GRHL1: variants seen among roughly 807,000 people sequenced by gnomAD.
GRHL1 encodes grainyhead-like protein 1 homolog.
A neutral mutation model predicts 75.7 loss-of-function variants in GRHL1; 38 were observed. The observed-to-expected ratio is 0.50, with a 90% CI of 0.39 to 0.66. GRHL1 has a LOEUF of 0.66. Ranked by LOEUF, GRHL1 falls within the 30% of genes least tolerant of loss-of-function variation. The pLI is 0.00. For synonymous variants in GRHL1, 266 were observed against 279.4 expected (o/e 0.95, Z 0.48); for missense variants, 589 against 767.5 (o/e 0.77, Z 2.75).
Position 9,979,151 on chromosome 2 carries a change from C to CAAAAAAAAAAAAAAAAAAAAAAAAAAAAA in GRHL1, c.1111-6957_1111-6956insAAAAAAAAAAAAAAAAAAAAAAAAAAAAA, listed in dbSNP as rs1227015836. Among the ~76,000 whole-genome samples, 42 of 60,352 alleles carry CAAAAAAAAAAAAAAAAAAAAAAAAAAAAA rather than the reference C, an allele frequency of 7.0e-4. 2 individuals carry two copies. Among genetic ancestry groups the CAAAAAAAAAAAAAAAAAAAAAAAAAAAAA allele is most frequent in the South Asian group, 1.1e-3 (2 of 1,804 alleles). The allele number at this position is 60,352 out of a possible 152,430, so 39.6% of individuals were successfully genotyped here. A position where few individuals can be genotyped will look rare whatever the true frequency, so the allele number is the denominator to read the frequency against. On this transcript the variant is annotated intron_variant, in intron 8 of 15. Coordinates refer to ENST00000324907, the MANE Select transcript of GRHL1 (RefSeq NM_198182.3). The stretch of plus-strand genomic sequence containing the variant: ...TTCCAGCCTGGGCAAGACTCTCTCT[C>CAAAAAAAAAAAAAAAAAAAAAAAAAAAAA]AAAAAAAAAAAAAAAAGGAAACCTT...
intron 5 of GRHL1, 43 bp downstream of exon 5, chr2:9,962,574 A>G (rs751882619): frequency 3.4e-5 from 36 of 1,047,102 alleles, no homozygotes; most frequent in Non-Finnish European, 5.3e-5. Context: ...TGCAGCTTTT[A>G]TAACTTATTC....
intron 15 of GRHL1, among the ~76,000 whole-genome samples, chr2:9,999,564 T>A (rs115155671): frequency 0.024 from 3,639 of 152,342 alleles, 142 homozygotes; most frequent in African/African-American, 0.082. Flanking sequence ...AGGCTCAGAG[T>A]TCAAGAGGCT....
rs910033176 is a variant in GRHL1, at chr2:10,001,567, A to G, written c.*860A>G. On this transcript the variant is annotated 3_prime_UTR_variant, in exon 16 of 16. Coordinates refer to ENST00000324907, the MANE Select transcript of GRHL1 (RefSeq NM_198182.3). Reference sequence around the variant, plus strand: ...ATACTGTGCTTAGTGGAACCCGCTAAAAACCTTTTTCTCTGTTTTTCCAAA... The same window carrying G: ...ATACTGTGCTTAGTGGAACCCGCTAGAAACCTTTTTCTCTGTTTTTCCAAA... 6.6e-6 allele frequency: 1 copy of G among 152,196 alleles called. No individual in the cohort carries two copies. The highest frequency in any genetic ancestry group is 2.4e-5 in the African/African-American group (1 of 41,450). 9.4% of individuals were successfully genotyped at this position (152,196 alleles called of 1,614,324 possible). A position where few individuals can be genotyped will look rare whatever the true frequency, so the allele number is the denominator to read the frequency against.
At chr2:9,975,800 C>T (rs941637850) in intron 8 of GRHL1, among the ~76,000 whole-genome samples, 1 of 151,878 alleles carries the variant, frequency 6.6e-6, no homozygotes, top group Non-Finnish European at 1.5e-5. Flanking sequence ...GCAGGAAAAT[C>T]GCTTGAACCC....
At chr2:9,976,627 A>G (rs182654020) in intron 8 of GRHL1, among the ~76,000 whole-genome samples, 23 of 152,294 alleles carry the variant, frequency 1.5e-4, no homozygotes, top group African/African-American at 5.3e-4. Context: ...CACCAGAGTC[A>G]AATGCTGCCA....
intron 5 of GRHL1, 42 bp from the exon 6 acceptor site, chr2:9,963,844 C>A: frequency 2.8e-6 from 4 of 1,448,508 alleles, no homozygotes; most frequent in Non-Finnish European, 3.8e-6. Flanking sequence ...CAAGCTTCCA[C>A]GAGAGTAGAT....
At chr2:9,989,548 C>T (rs964440839) in intron 9 of GRHL1, among the ~76,000 whole-genome samples, 2 of 151,922 alleles carry the variant, frequency 1.3e-5, no homozygotes, top group African/African-American at 4.8e-5. Context: ...ACTCTGAGTA[C>T]ACTTTTTCTC....
At chr2:9,978,654 G>T (rs1164839957) in intron 8 of GRHL1, among the ~76,000 whole-genome samples, 2 of 152,132 alleles carry the variant, frequency 1.3e-5, no homozygotes, top group Non-Finnish European at 2.9e-5. Context: ...ATCTCACTTG[G>T]TCTTATGAAC....
rs1271419346 is a variant in GRHL1 at position 9,995,961 on chromosome 2, C to A, written c.1582C>A (p.Pro528Thr). The change falls in exon 13 of 16, where the codon CCA becomes ACA. Residue 528 changes from proline (P) to threonine (T), a missense_variant. Pro to Thr is a conservative substitution (Grantham distance 38). Coordinates refer to ENST00000324907, the MANE Select transcript of GRHL1 (RefSeq NM_198182.3). ...PSTKLARIEE[P>T]KRVLLYVRKE... Reference sequence around the variant, plus strand: ...TACCAAGCTGGCCCGGATAGAAGAACCAAAGAGAGGTGTGTTCGTTTCCAT... The same window carrying A: ...TACCAAGCTGGCCCGGATAGAAGAAACAAAGAGAGGTGTGTTCGTTTCCAT... The A allele has an allele frequency of 6.3e-7, 1 of 1,593,402 alleles. No homozygotes were observed. Among genetic ancestry groups the A allele is most frequent in the East Asian group, 2.2e-5 (1 of 44,804 alleles).
chr2:9,965,429 G>A (rs1266257606), intron 8 of GRHL1, 48 bp downstream of exon 8: 4 of 976,188 alleles, frequency 4.1e-6, no homozygotes, highest in Non-Finnish European at 6.5e-6. Context: ...TTGAGAAATG[G>A]GAGGAGTTTA....
At chr2:9,973,118 C>T (rs1667803165) in intron 8 of GRHL1, among the ~76,000 whole-genome samples, 1 of 152,148 alleles carries the variant, frequency 6.6e-6, no homozygotes, top group East Asian at 1.9e-4. Context: ...TTTTCTTTTC[C>T]CTTGATGGTG....
At chr2:9,985,859 A>G (rs1394988305) in intron 8 of GRHL1, among the ~76,000 whole-genome samples, 2 of 152,234 alleles carry the variant, frequency 1.3e-5, no homozygotes, top group Non-Finnish European at 2.9e-5. Flanking sequence ...CTGATATTAA[A>G]TAGGGATTCT....
chr2:9,965,312 T>C lies in GRHL1; in HGVS notation c.1041T>C (p.Thr347=), dbSNP rs556635581. ...CTGACTATAAAGAAAGCTTCAACACTATCAGTAACATCGAGGAGATTGCGT... is the reference window on the plus strand; with the variant it reads ...CTGACTATAAAGAAAGCTTCAACACCATCAGTAACATCGAGGAGATTGCGT... ...DIADYKESFN[T]ISNIEEIAYN... Residue 347 remains threonine, a synonymous_variant, in exon 8 of 16, where the codon ACT becomes ACC. Coordinates refer to ENST00000324907, the MANE Select transcript of GRHL1 (RefSeq NM_198182.3). 1 of 1,608,850 alleles carries C rather than the reference T, an allele frequency of 6.2e-7. No homozygotes were observed. The highest frequency in any genetic ancestry group is 1.1e-5 in the South Asian group (1 of 90,996).
chr2:9,990,754 G>T lies in GRHL1; in HGVS notation c.1321+7G>T. On this transcript the variant is annotated splice_region_variant and intron_variant, in intron 10 of 15. Coordinates refer to ENST00000324907, the MANE Select transcript of GRHL1 (RefSeq NM_198182.3). This position sits in a 1 kb window ranked among gnomAD's most constrained non-coding sequence, Gnocchi z 4.2. ...AAGCAAAGCAAAAGAAAAGGCAAGT[G>T]TCCTGACCCCAGCTCCCAGGTGAAT... 1 of 1,610,462 alleles carries T rather than the reference G, an allele frequency of 6.2e-7. No individual in the cohort carries two copies. Among genetic ancestry groups the T allele is most frequent in the Non-Finnish European group, 8.5e-7 (1 of 1,177,116 alleles).
intron 8 of GRHL1, among the ~76,000 whole-genome samples, chr2:9,980,236 A>G (rs1021000936): frequency 6.6e-6 from 1 of 151,736 alleles, no homozygotes; most frequent in Non-Finnish European, 1.5e-5. Context: ...AGGTGTGAAC[A>G]GCGCTTATGT....
chr2:9,981,867 A>G (rs1418913245), intron 8 of GRHL1, among the ~76,000 whole-genome samples: 2 of 152,248 alleles, frequency 1.3e-5, no homozygotes, highest in Non-Finnish European at 2.9e-5. Context: ...AAGACATCAC[A>G]TCATGCTTTG....
chr2:9,984,500 C>G (rs1668336828), intron 8 of GRHL1, among the ~76,000 whole-genome samples: 1 of 152,214 alleles, frequency 6.6e-6, no homozygotes, highest in South Asian at 2.1e-4. Context: ...TGTTTATTTG[C>G]TGTACACTGG....
chr2:9,973,123 A>G (rs188549218), intron 8 of GRHL1, among the ~76,000 whole-genome samples: 67 of 152,098 alleles, frequency 4.4e-4, no homozygotes, highest in African/African-American at 1.5e-3. Context: ...TTTTCCCTTG[A>G]TGGTGATTGG....
chr2:9,976,709 G>A (rs991691690), intron 8 of GRHL1, among the ~76,000 whole-genome samples: 4 of 152,176 alleles, frequency 2.6e-5, no homozygotes, highest in Non-Finnish European at 4.4e-5. Flanking sequence ...GAGGTCTTGG[G>A]GTGCTGGGTG....
Sources: allele counts gnomAD v4.1 joint callset (sites outside exome capture counted in the v4.1 genomes callset), GRCh38; gene constraint gnomAD v4.1.1; non-coding constraint Gnocchi (gnomAD v3.1); transcripts MANE v1.5; gene names NCBI Gene and HGNC (gene_info 2026-07-23, HGNC 2026-07-21).